Variants in SREK1IP1 observed in about 807,000 individuals in gnomAD.
SREK1IP1 encodes the protein SREK1 interacting protein 1, also known as protein SREK1IP1.
SREK1IP1 carries 12 observed loss-of-function variants against 22.8 expected under a neutral mutation model. The ratio of observed to expected loss-of-function variants is 0.53; its 90% CI spans 0.34 to 0.85. The LOEUF (loss-of-function observed/expected upper bound fraction) is 0.85. Ranked by LOEUF, SREK1IP1 falls within the 40% of genes least tolerant of loss-of-function variation. The pLI is 0.02. For missense variants in SREK1IP1, 147 were observed against 171.8 expected, an observed-to-expected ratio of 0.86 and a Z score of 0.81; for synonymous variants, 53 against 52.7, an observed-to-expected ratio of 1.01 and a Z score of -0.02.
intron 3 of SREK1IP1, among the ~76,000 whole-genome samples, chr5:64,728,938 A>C (rs1331998027): frequency 6.6e-6 from 1 of 152,196 alleles, no homozygotes; most frequent in African/African-American, 2.4e-5. Context: ...TCATGCCTGT[A>C]ATCCCAGCAC....
Position 64,741,122 on chromosome 5 carries a change from G to C in SREK1IP1, c.140C>G (p.Thr47Arg). 1 of 1,612,798 alleles carries C rather than the reference G, an allele frequency of 6.2e-7. No individual in the cohort carries two copies. ...KRDIVLDVSS[T>R]SSEDSDEENE... Reference sequence around the variant, plus strand: ...CTCTTCATCGCTATCTTCACTACTTGTACTGCTGACATCCAAAACTATGTC... The same window carrying C: ...CTCTTCATCGCTATCTTCACTACTTCTACTGCTGACATCCAAAACTATGTC... Residue 47 changes from threonine (T) to arginine (R), a missense_variant, in exon 3 of 5, where the codon ACA becomes AGA. Coordinates refer to ENST00000513458, the MANE Select transcript of SREK1IP1 (RefSeq NM_173829.4).
At chr5:64,768,030 C>G (rs946486866) in intron 1 of SREK1IP1, among the ~76,000 whole-genome samples, 1 of 152,186 alleles carries the variant, frequency 6.6e-6, no homozygotes, top group African/African-American at 2.4e-5. Flanking sequence ...AGCGACCAAT[C>G]TATGGCCACG....
intron 1 of SREK1IP1, among the ~76,000 whole-genome samples, chr5:64,756,908 T>C (rs1742851547): frequency 6.6e-6 from 1 of 152,162 alleles, no homozygotes; most frequent in Non-Finnish European, 1.5e-5. Flanking sequence ...TTACAGGTAT[T>C]ATTCCATTTT....
chr5:64,730,954 T>G (rs1262013275), intron 3 of SREK1IP1, among the ~76,000 whole-genome samples: 1 of 152,126 alleles, frequency 6.6e-6, no homozygotes, highest in Non-Finnish European at 1.5e-5. Flanking sequence ...ATAACTATGA[T>G]GGAATCTAAG....
rs185501533 is a variant in SREK1IP1 at position 64,731,593 on chromosome 5, G to A, written c.206-3414C>T. ...GAATGGCCTGAACTAGATATAGGAC[G>A]ACAATAAAAATGGGAAGAAGCAGGA... On this transcript the variant is annotated intron_variant, in intron 3 of 4. Coordinates refer to ENST00000513458, the MANE Select transcript of SREK1IP1 (RefSeq NM_173829.4). Among the ~76,000 whole-genome samples the A allele has an allele frequency of 1.4e-3, 205 of 151,064 alleles. 2 individuals carry two copies. The highest frequency in any genetic ancestry group is 2.3e-3 in the Non-Finnish European group (158 of 67,872).
At chr5:64,737,095 A>C (rs1035671564) in intron 3 of SREK1IP1, among the ~76,000 whole-genome samples, 4 of 152,132 alleles carry the variant, frequency 2.6e-5, no homozygotes, top group African/African-American at 9.7e-5. Flanking sequence ...GGTTCTAATA[A>C]AAACAAAATA....
intron 1 of SREK1IP1, among the ~76,000 whole-genome samples, chr5:64,766,466 T>C (rs1470096276): frequency 2.0e-5 from 3 of 152,244 alleles, no homozygotes; most frequent in Non-Finnish European, 4.4e-5. Context: ...CCTTACCTAT[T>C]GAGACCACAT....
chr5:64,760,424 T>C (rs1049804757), intron 1 of SREK1IP1, among the ~76,000 whole-genome samples: 2 of 152,200 alleles, frequency 1.3e-5, no homozygotes, highest in Admixed American at 6.5e-5. Flanking sequence ...GAAAGTCTCT[T>C]GAGCAACTGC....
intron 2 of SREK1IP1, among the ~76,000 whole-genome samples, chr5:64,744,264 C>T (rs1742596385): frequency 6.6e-6 from 1 of 152,108 alleles, no homozygotes; most frequent in Non-Finnish European, 1.5e-5. Flanking sequence ...TGGAAGTAAG[C>T]CAGCATGTAA....
Position 64,768,493 on chromosome 5 carries a change from A to AT in SREK1IP1, c.13+11dup. On this transcript the variant is annotated intron_variant, in intron 1 of 4. Transcript: ENST00000513458. Reference sequence around the variant, plus strand: ...GGAGCTCGGACGCAGAGGCCCTGTAATTGCTCCTTACCTGGGACTGCCATG... The same window carrying AT: ...GGAGCTCGGACGCAGAGGCCCTGTAATTTGCTCCTTACCTGGGACTGCCATG... 1 of 1,614,078 alleles carries AT rather than the reference A, an allele frequency of 6.2e-7. No homozygotes were observed. Among genetic ancestry groups the AT allele is most frequent in the Non-Finnish European group, 8.5e-7 (1 of 1,179,982 alleles).
chr5:64,755,216 A>T (rs1400926329), intron 1 of SREK1IP1, among the ~76,000 whole-genome samples: 2 of 125,456 alleles, frequency 1.6e-5, no homozygotes, highest in African/African-American at 7.1e-5. Context: ...CTGGGTATAT[A>T]TCCAAAAAAA....
rs1580532631 is a variant in SREK1IP1, at chr5:64,720,692, G to A, written c.*3692C>T. ...CCGGCTAATTTTTCTATTTTTAGTA[G>A]AGACAGGGTTTCGCCAAGTTGGCCA... On this transcript the variant is annotated 3_prime_UTR_variant, in exon 5 of 5. Transcript: ENST00000513458. 2 of 152,204 alleles carry A rather than the reference G, an allele frequency of 1.3e-5. No individual in the cohort carries two copies. Among genetic ancestry groups the A allele is most frequent in the African/African-American group, 4.8e-5 (2 of 41,432 alleles). 9.4% of individuals were successfully genotyped at this position (152,204 alleles called of 1,614,324 possible).
rs904307010 is a variant in SREK1IP1 at position 64,718,202 on chromosome 5, C to G, written c.*6182G>C. The G allele has an allele frequency of 1.7e-5, 8 of 480,606 alleles. No homozygotes were observed. Among genetic ancestry groups the G allele is most frequent in the African/African-American group, 1.4e-4 (7 of 49,192 alleles). The allele number at this position is 480,606 out of a possible 1,614,324, so 29.8% of individuals were successfully genotyped here. ...GCACATTAAGGTTTTATTGGTTTTC[C>G]TTTGTATAAATTTATTTGCTAATTA... On this transcript the variant is annotated 3_prime_UTR_variant, in exon 5 of 5. Coordinates refer to ENST00000513458, the MANE Select transcript of SREK1IP1 (RefSeq NM_173829.4).
chr5:64,747,451 C>T (rs1185598277), intron 2 of SREK1IP1, among the ~76,000 whole-genome samples: 1 of 152,098 alleles, frequency 6.6e-6, no homozygotes, highest in Non-Finnish European at 1.5e-5. Context: ...TCAGGAAATT[C>T]CAAGAGTTTT....
chr5:64,764,419 A>G (rs1424380887), intron 1 of SREK1IP1, among the ~76,000 whole-genome samples: 2 of 152,214 alleles, frequency 1.3e-5, no homozygotes, highest in African/African-American at 4.8e-5. Flanking sequence ...ATAGGAGGTA[A>G]TAACAAAGGC....
chr5:64,758,097 C>T (rs1224833264), intron 1 of SREK1IP1, among the ~76,000 whole-genome samples: 2 of 150,908 alleles, frequency 1.3e-5, no homozygotes, highest in South Asian at 2.1e-4. Context: ...AGGATGGTCT[C>T]GATCTCCTGA....
At chr5:64,750,098 A>C (rs74942228) in intron 2 of SREK1IP1, among the ~76,000 whole-genome samples, 9,546 of 152,038 alleles carry the variant, frequency 0.063, 970 homozygotes, top group African/African-American at 0.22. Context: ...CTGCCACGAG[A>C]TTGAATGGAC....
intron 2 of SREK1IP1, among the ~76,000 whole-genome samples, chr5:64,741,744 T>C (rs1294564634): frequency 3.3e-5 from 5 of 152,142 alleles, no homozygotes; most frequent in Admixed American, 3.3e-4. Context: ...CTCTACCCTA[T>C]AAGAAAACTA....
Position 64,728,995 on chromosome 5 carries a change from A to C in SREK1IP1, c.206-816T>G, listed in dbSNP as rs113044059. Reference sequence around the variant, plus strand: ...ATCATGAGGTCAGAAATTCGAGACTAGGCTGGACAACATGGTGAAACCCCA... The same window carrying C: ...ATCATGAGGTCAGAAATTCGAGACTCGGCTGGACAACATGGTGAAACCCCA... On this transcript the variant is annotated intron_variant, in intron 3 of 4. Transcript: ENST00000513458. 2.4e-4 allele frequency among the ~76,000 whole-genome samples: 36 copies of C among 152,298 alleles called. 1 individual carries two copies. The highest frequency in any genetic ancestry group is 8.4e-4 in the African/African-American group (35 of 41,568).
Sources: allele counts gnomAD v4.1 joint callset (sites outside exome capture counted in the v4.1 genomes callset), GRCh38; gene constraint gnomAD v4.1.1; transcripts MANE v1.5; gene names NCBI Gene and HGNC (gene_info 2026-07-23, HGNC 2026-07-21).